AP3M2: variants seen among roughly 807,000 people sequenced by gnomAD.
AP3M2 encodes the protein AP-3 complex subunit mu-2.
In AP3M2, 28 loss-of-function variants were observed where a neutral mutation model predicts 41.6. That is an observed-to-expected ratio of 0.67 (90% CI 0.50 to 0.92). AP3M2 has a LOEUF of 0.92. Among genes scored for constraint, AP3M2 ranks in the 40% least tolerant of loss-of-function variants. The pLI is 0.00. For missense variants in AP3M2, 427 were observed against 521.4 expected (o/e 0.82, Z 1.76); for synonymous variants, 193 against 186.4 (o/e 1.04, Z -0.29).
chr8:42,164,315 T>G (rs897300067), intron 4 of AP3M2, among the ~76,000 whole-genome samples: 3 of 152,140 alleles, frequency 2.0e-5, no homozygotes, highest in African/African-American at 7.2e-5. Context: ...TGGACTCATT[T>G]CTGACATGTG....
chr8:42,156,990 C>T (rs1445543825), intron 2 of AP3M2, among the ~76,000 whole-genome samples: 1 of 152,130 alleles, frequency 6.6e-6, no homozygotes, highest in Non-Finnish European at 1.5e-5. Flanking sequence ...TGATCAGAGC[C>T]ATTCATGAAT....
At chr8:42,161,634 A>G (rs981680093) in intron 3 of AP3M2, among the ~76,000 whole-genome samples, 7 of 152,326 alleles carry the variant, frequency 4.6e-5, no homozygotes, top group Admixed American at 6.5e-5. Flanking sequence ...AAAGACAGAA[A>G]ATAAAAGGAT....
rs528562819 is a variant in AP3M2, at chr8:42,159,511, A to C, written c.445+1399A>C. On this transcript the variant is annotated intron_variant, in intron 3 of 8. Transcript: ENST00000396926. ...AGTATTTATTGACTGTTTTTCCTCT[A>C]TTGTGAATTACCTTTTCATGTCCTT... is the stretch of plus-strand genomic sequence containing the variant. 2.6e-5 allele frequency among the ~76,000 whole-genome samples: 4 copies of C among 152,234 alleles called. No homozygotes were observed. The East Asian group carries it at 7.7e-4, about 29-fold the overall frequency.
chr8:42,161,280 C>T (rs1298707399), intron 3 of AP3M2, among the ~76,000 whole-genome samples: 1 of 152,020 alleles, frequency 6.6e-6, no homozygotes, highest in East Asian at 1.9e-4. Flanking sequence ...AGCCACTGAA[C>T]TCCAGCATGG....
chr8:42,167,517 C>G lies in AP3M2; in HGVS notation c.1011+146C>G, dbSNP rs142116966. On this transcript the variant is annotated intron_variant, in intron 7 of 8. Coordinates refer to ENST00000396926, the MANE Select transcript of AP3M2 (RefSeq NM_006803.4). Reference sequence around the variant, plus strand: ...CCTGCCAGGTAACTTAACAGTAACACGTAGGATTCTCAATGGAAAGATACC... The same window carrying G: ...CCTGCCAGGTAACTTAACAGTAACAGGTAGGATTCTCAATGGAAAGATACC... The G allele has an allele frequency of 2.4e-4, 320 of 1,349,712 alleles. 1 individual carries two copies. The African/African-American group carries it at 4.4e-3, about 19-fold the overall frequency. The allele number at this position is 1,349,712 out of a possible 1,614,324, so 83.6% of individuals were successfully genotyped here. A position where few individuals can be genotyped will look rare whatever the true frequency, so the allele number is the denominator to read the frequency against.
At position 42,165,867 on chromosome 8, in the gene AP3M2, A is replaced by G. The variant is rs879182066; in HGVS notation, c.803+307A>G. ...TGTTGTTATGTGTCTAAACAAGAAC[A>G]TTATTTTCTCAAATCAGAATCTGGG... On this transcript the variant is annotated intron_variant, in intron 6 of 8. Transcript: ENST00000396926. The G allele has an allele frequency of 2.1e-5, 5 of 240,174 alleles. No homozygotes were observed. The South Asian group carries it at 6.8e-4, about 32-fold the overall frequency. The allele number at this position is 240,174 out of a possible 1,614,324, so 14.9% of individuals were successfully genotyped here. A position where few individuals can be genotyped will look rare whatever the true frequency, so the allele number is the denominator to read the frequency against.
At chr8:42,153,608 C>T (rs1378898920) in intron 1 of AP3M2, 1 of 152,212 alleles carries the variant, frequency 6.6e-6, no homozygotes, top group East Asian at 1.9e-4. Context: ...CGACTGGCAC[C>T]AGAGAGATGC....
chr8:42,168,284 G>A (rs765981296), intron 8 of AP3M2: 7 of 451,416 alleles, frequency 1.6e-5, no homozygotes, highest in African/African-American at 4.0e-5. Flanking sequence ...ACCTTAGCAC[G>A]GTAGTCATCA....
At chr8:42,156,474 C>T (rs1186001499) in intron 2 of AP3M2, among the ~76,000 whole-genome samples, 1 of 152,180 alleles carries the variant, frequency 6.6e-6, no homozygotes, top group Non-Finnish European at 1.5e-5. Context: ...AGGCCGGCTG[C>T]AGCACTTGGC....
intron 4 of AP3M2, among the ~76,000 whole-genome samples, chr8:42,163,611 C>A (rs1465883512): frequency 6.6e-6 from 1 of 151,990 alleles, no homozygotes; most frequent in Non-Finnish European, 1.5e-5. Context: ...GCAAACATCA[C>A]AATATTGAGC....
chr8:42,162,199 G>T, intron 3 of AP3M2, 82 bp from the exon 4 acceptor site: 15 of 1,365,086 alleles, frequency 1.1e-5, no homozygotes, highest in Non-Finnish European at 1.5e-5. Flanking sequence ...TGAATAGTGG[G>T]AGCATAGAAA....
At chr8:42,158,511 AGTGCTGGGATTACAG>A (rs1164035990) in intron 3 of AP3M2, among the ~76,000 whole-genome samples, 2 of 152,050 alleles carry the variant, frequency 1.3e-5, no homozygotes, top group Non-Finnish European at 2.9e-5. Context: ...GGCCTCCCAA[AGTGCTGGGATTACAG>A]GTGTGAGCCA....
In AP3M2 at chr8:42,170,268, T is replaced by C. The variant is rs1180786601; in HGVS notation, c.*1207T>C. The C allele has an allele frequency of 6.6e-6, 1 of 152,256 alleles. No homozygotes were observed. Among genetic ancestry groups the C allele is most frequent in the Non-Finnish European group, 1.5e-5 (1 of 68,050 alleles). 9.4% of individuals were successfully genotyped at this position (152,256 alleles called of 1,614,324 possible). A position where few individuals can be genotyped will look rare whatever the true frequency, so the allele number is the denominator to read the frequency against. On this transcript the variant is annotated 3_prime_UTR_variant, in exon 9 of 9. Coordinates refer to ENST00000396926, the MANE Select transcript of AP3M2 (RefSeq NM_006803.4). ...TTTTCTTTTGTACTCCTATCATGTA[T>C]TCATTAATATCTACCAGTCCCTTTT...
intron 4 of AP3M2, among the ~76,000 whole-genome samples, chr8:42,162,656 A>G (rs956903019): frequency 6.6e-6 from 1 of 152,112 alleles, no homozygotes; most frequent in African/African-American, 2.4e-5. Flanking sequence ...AAAAAAGAGA[A>G]GTAACAGGCC....
rs34944817 is a variant in AP3M2, at chr8:42,167,867, A to G, written c.1156+57A>G. ...GGGAACAAAAACGGCTTTCTGCCAT[A>G]TGGCGCAGGCACCAGGAAGCCTTTC... On this transcript the variant is annotated intron_variant, in intron 8 of 8. Transcript: ENST00000396926. 418 of 1,560,010 alleles carry G rather than the reference A, an allele frequency of 2.7e-4. 2 individuals carry two copies. The East Asian group carries it at 8.8e-3, about 33-fold the overall frequency.
At position 42,170,418 on chromosome 8, in the gene AP3M2, AG is replaced by A. The variant is rs917158148; in HGVS notation, c.*1359del. ...AACATGGCAACTAAAGGGATACCTC[AG>A]GCTTTCTTTCCCAGTGGGTCATTTT... is the stretch of plus-strand genomic sequence containing the variant. On this transcript the variant is annotated 3_prime_UTR_variant, in exon 9 of 9. Coordinates refer to ENST00000396926, the MANE Select transcript of AP3M2 (RefSeq NM_006803.4). The A allele has an allele frequency of 1.5e-4, 23 of 152,202 alleles. No homozygotes were observed. Among genetic ancestry groups the A allele is most frequent in the African/African-American group, 5.3e-4 (22 of 41,448 alleles). The allele number at this position is 152,202 out of a possible 1,614,324, so 9.4% of individuals were successfully genotyped here.
At chr8:42,166,118 T>C (rs990864456) in intron 6 of AP3M2, among the ~76,000 whole-genome samples, 1 of 152,160 alleles carries the variant, frequency 6.6e-6, no homozygotes, top group Non-Finnish European at 1.5e-5. Context: ...TGGGAAAATA[T>C]CTGAGTGCTT....
At chr8:42,155,000 A>T (rs778920738) in intron 2 of AP3M2, 40 bp downstream of exon 2, 24 of 1,553,324 alleles carry the variant, frequency 1.5e-5, no homozygotes, top group Non-Finnish European at 1.9e-5. Context: ...TAAACCGTAA[A>T]GTGTCTTTGT....
intron 2 of AP3M2, among the ~76,000 whole-genome samples, chr8:42,156,483 G>A (rs1199338895): frequency 6.6e-6 from 1 of 152,172 alleles, no homozygotes; most frequent in African/African-American, 2.4e-5. Flanking sequence ...GCAGCACTTG[G>A]CTGTATTGCG....
Sources: gnomAD v4.1 joint callset for allele counts (sites outside exome capture counted in the v4.1 genomes callset) on GRCh38, gnomAD v4.1.1 for gene constraint, MANE v1.5 for transcripts, NCBI Gene and HGNC (gene_info 2026-07-23, HGNC 2026-07-21) for gene names.